CEP63: variants seen among roughly 807,000 people sequenced by gnomAD.
CEP63 encodes centrosomal protein 63.
CEP63 carries 84 observed loss-of-function variants against 89.1 expected under a neutral mutation model. That is an observed-to-expected ratio of 0.94 (90% CI 0.79 to 1.13). The LOEUF (loss-of-function observed/expected upper bound fraction) is 1.13. CEP63 is among the 50% of genes most tolerant of loss of function. CEP63 has a pLI of 0.00. For synonymous variants in CEP63, 267 were observed against 272.5 expected (o/e 0.98, Z 0.20); for missense variants, 838 against 813.3 (o/e 1.03, Z -0.37).
At chr3:134,486,625 C>T (rs1935520783) in intron 1 of CEP63, 16 of 839,210 alleles carry the variant, frequency 1.9e-5, no homozygotes, top group Non-Finnish European at 2.3e-5. Context: ...AGCGGAGAGA[C>T]CCCAGTGCGG....
chr3:134,486,728 G>A (rs776666663), intron 1 of CEP63: 31 of 177,962 alleles, frequency 1.7e-4, no homozygotes, highest in Admixed American at 4.6e-4. Context: ...GCATGTTAAG[G>A]TTGGCAGCTT....
the CEP63 span, among the ~76,000 whole-genome samples, chr3:134,663,973 G>T: frequency 6.6e-6 from 1 of 152,184 alleles, no homozygotes; most frequent in African/African-American, 2.4e-5. Context: ...GGGAAGAGCA[G>T]GGCTTGGGGA....
At chr3:134,493,411 A>G (rs1020043743) in intron 1 of CEP63, among the ~76,000 whole-genome samples, 1 of 151,788 alleles carries the variant, frequency 6.6e-6, no homozygotes, top group Non-Finnish European at 1.5e-5. Flanking sequence ...GGACCAAAAC[A>G]TGGAATCTTG....
chr3:134,715,590 C>G, the CEP63 span, among the ~76,000 whole-genome samples: 1 of 149,734 alleles, frequency 6.7e-6, no homozygotes, highest in African/African-American at 2.5e-5. Flanking sequence ...CGGGGTCTCA[C>G]AGTGCATTGC....
At chr3:134,690,507 G>C in the CEP63 span, among the ~76,000 whole-genome samples, 28 of 152,110 alleles carry the variant, frequency 1.8e-4, no homozygotes, top group African/African-American at 6.5e-4. Flanking sequence ...TGCTGCCTCT[G>C]ATGCCAGTTT....
the CEP63 span, among the ~76,000 whole-genome samples, chr3:134,636,078 G>A: frequency 6.6e-6 from 1 of 152,092 alleles, no homozygotes; most frequent in Non-Finnish European, 1.5e-5. Flanking sequence ...ATGATGTGAT[G>A]AACACTCAGA....
At chr3:134,485,991 G>GCCCC (rs5852785), upstream of CEP63, 18 of 940,682 alleles carry the variant, frequency 1.9e-5, no homozygotes, top group African/African-American at 1.1e-4. Context: ...CTCCTGCCAC[G>GCCCC]CCCCCCCCCC....
At chr3:134,585,563 G>A (rs1958467238) in intron 10 of CEP63, among the ~76,000 whole-genome samples, 1 of 152,198 alleles carries the variant, frequency 6.6e-6, no homozygotes, top group African/African-American at 2.4e-5. Context: ...GAGATAGTTT[G>A]TTGTGATTTC....
At chr3:134,755,383 C>T in the CEP63 span, among the ~76,000 whole-genome samples, 3 of 152,282 alleles carry the variant, frequency 2.0e-5, no homozygotes, top group African/African-American at 4.8e-5. Context: ...TCAGCATCTC[C>T]GATCCCAGAG....
the CEP63 span, among the ~76,000 whole-genome samples, chr3:134,739,700 C>A: frequency 5.8e-5 from 8 of 137,836 alleles, no homozygotes; most frequent in Admixed American, 2.9e-4. Context: ...CAAATCAATG[C>A]TTGTTTTTTT....
intron 6 of CEP63, among the ~76,000 whole-genome samples, chr3:134,545,337 C>T (rs1047701071): frequency 6.6e-6 from 1 of 151,814 alleles, no homozygotes; most frequent in African/African-American, 2.4e-5. Flanking sequence ...CGCCATGTTT[C>T]CAGGCTGATC....
At chr3:134,778,511 C>A in the CEP63 span, among the ~76,000 whole-genome samples, 1 of 152,052 alleles carries the variant, frequency 6.6e-6, no homozygotes, top group Non-Finnish European at 1.5e-5. Context: ...TAAGTAGCAT[C>A]TAGGTTATTC....
the CEP63 span, among the ~76,000 whole-genome samples, chr3:134,753,490 T>C: frequency 6.6e-6 from 1 of 152,154 alleles, no homozygotes; most frequent in African/African-American, 2.4e-5. Flanking sequence ...TCCATAGACC[T>C]CTGGAGCTGG....
the CEP63 span, chr3:134,601,247 T>TA: frequency 1.9e-5 from 2 of 104,368 alleles, no homozygotes; most frequent in African/African-American, 6.3e-5. Flanking sequence ...AGGGGGTGCC[T>TA]AGTTAAACGA....
At chr3:134,764,670 C>A in the CEP63 span, among the ~76,000 whole-genome samples, 1 of 152,354 alleles carries the variant, frequency 6.6e-6, no homozygotes, top group African/African-American at 2.4e-5. Context: ...TTCGGCTCAT[C>A]TGGTTTTCCC....
chr3:134,702,074 G>A, the CEP63 span, among the ~76,000 whole-genome samples: 11 of 152,170 alleles, frequency 7.2e-5, no homozygotes, highest in African/African-American at 2.4e-4. Context: ...CCAACAACAG[G>A]CAAGCCAAAA....
the CEP63 span, among the ~76,000 whole-genome samples, chr3:134,664,926 G>T: frequency 2.6e-5 from 4 of 152,118 alleles, no homozygotes; most frequent in African/African-American, 9.7e-5. Flanking sequence ...TTTTTCTCAG[G>T]TTGCTTTGGA....
At chr3:134,557,074 A>G (rs1295753603) in intron 12 of CEP63, among the ~76,000 whole-genome samples, 2 of 152,180 alleles carry the variant, frequency 1.3e-5, no homozygotes, top group East Asian at 3.8e-4. Flanking sequence ...ACTTGTACAA[A>G]TGAATGTTTG....
chr3:134,730,466 C>T, the CEP63 span, among the ~76,000 whole-genome samples: 1 of 151,874 alleles, frequency 6.6e-6, no homozygotes, highest in Non-Finnish European at 1.5e-5. Context: ...TATCTCCAAA[C>T]AATTTTTAGA....
Sources: gnomAD v4.1 joint callset for allele counts (sites outside exome capture counted in the v4.1 genomes callset) on GRCh38, gnomAD v4.1.1 for gene constraint, MANE v1.5 for transcripts, NCBI Gene and HGNC (gene_info 2026-07-23, HGNC 2026-07-21) for gene names.